HYCC1: variants seen among roughly 807,000 people sequenced by gnomAD.
The protein encoded by HYCC1 is hyccin PI4KA lipid kinase complex subunit 1, also known as hyccin.
At chr7:22,933,122 C>A in the HYCC1 span, among the ~76,000 whole-genome samples, 21 of 152,126 alleles carry the variant, frequency 1.4e-4, no homozygotes, top group Non-Finnish European at 7.4e-5. Flanking sequence ...GCCTTCAGAA[C>A]CATGAGAGAA....
chr7:23,007,449 A>G, the HYCC1 span, among the ~76,000 whole-genome samples: 2 of 152,142 alleles, frequency 1.3e-5, no homozygotes, highest in Non-Finnish European at 2.9e-5. Flanking sequence ...AAATGAAATT[A>G]ATTATGCAAA....
the HYCC1 span, among the ~76,000 whole-genome samples, chr7:23,008,704 G>T: frequency 1.3e-5 from 2 of 151,968 alleles, no homozygotes; most frequent in East Asian, 3.9e-4. Context: ...GAAAAACCTA[G>T]AAAAAGTCAT....
At chr7:22,959,814 T>A in the HYCC1 span, among the ~76,000 whole-genome samples, 2 of 152,166 alleles carry the variant, frequency 1.3e-5, no homozygotes, top group Non-Finnish European at 2.9e-5. Flanking sequence ...GCGTCAACAC[T>A]ATGGCATTCT....
chr7:22,976,184 T>C, the HYCC1 span: 9 of 1,353,222 alleles, frequency 6.7e-6, no homozygotes, highest in Non-Finnish European at 9.5e-6. Context: ...TATTTCAATA[T>C]TAGAAGCACT....
At chr7:22,918,326 T>A in the HYCC1 span, among the ~76,000 whole-genome samples, 1 of 152,168 alleles carries the variant, frequency 6.6e-6, no homozygotes, top group African/African-American at 2.4e-5. Flanking sequence ...TCATGCTGTA[T>A]GACAAATGCT....
At chr7:23,012,152 C>A in the HYCC1 span, among the ~76,000 whole-genome samples, 1 of 151,990 alleles carries the variant, frequency 6.6e-6, no homozygotes, top group Non-Finnish European at 1.5e-5. Flanking sequence ...AAAATATAAA[C>A]GATACCCCAA....
At chr7:22,910,919 CA>C in the HYCC1 span, among the ~76,000 whole-genome samples, 1 of 151,478 alleles carries the variant, frequency 6.6e-6, no homozygotes, top group Non-Finnish European at 1.5e-5. Flanking sequence ...ATGTCACTCT[CA>C]TTATTCATAA....
At chr7:22,989,790 T>A in the HYCC1 span, among the ~76,000 whole-genome samples, 28 of 152,188 alleles carry the variant, frequency 1.8e-4, no homozygotes. Flanking sequence ...GCCCAGCTAT[T>A]CATCAGGATT....
At chr7:22,946,599 T>C in the HYCC1 span, among the ~76,000 whole-genome samples, 1 of 152,058 alleles carries the variant, frequency 6.6e-6, no homozygotes, top group African/African-American at 2.4e-5. Flanking sequence ...TTGTACTCTA[T>C]ATTGTAGATT....
the HYCC1 span, among the ~76,000 whole-genome samples, chr7:22,930,560 A>T: frequency 1.3e-5 from 2 of 152,102 alleles, no homozygotes; most frequent in Non-Finnish European, 1.5e-5. Flanking sequence ...AGAATAATTC[A>T]TAACAATACC....
chr7:22,977,335 A>T, the HYCC1 span: 1 of 1,524,694 alleles, frequency 6.6e-7, no homozygotes, highest in Non-Finnish European at 9.1e-7. Flanking sequence ...ATAAAATGTC[A>T]CTTACTTCAT....
At chr7:22,949,788 AT>A in the HYCC1 span, among the ~76,000 whole-genome samples, 1 of 152,056 alleles carries the variant, frequency 6.6e-6, no homozygotes, top group Non-Finnish European at 1.5e-5. Flanking sequence ...ATGATATTAC[AT>A]TTAAAAAAAT....
chr7:22,957,788 C>G, the HYCC1 span, among the ~76,000 whole-genome samples: 1 of 152,010 alleles, frequency 6.6e-6, no homozygotes, highest in East Asian at 1.9e-4. Context: ...AATGTATTTT[C>G]ATACAGCCAT....
At chr7:22,945,391 A>T in the HYCC1 span, 2 of 592,576 alleles carry the variant, frequency 3.4e-6, no homozygotes, top group East Asian at 5.6e-5. Context: ...AAAAAATCTT[A>T]ATCAAGAAAT....
the HYCC1 span, among the ~76,000 whole-genome samples, chr7:22,927,953 C>T: frequency 1.4e-4 from 21 of 152,152 alleles, no homozygotes; most frequent in South Asian, 6.2e-4. Flanking sequence ...ACTGGCAAAC[C>T]GAATCCAGCA....
the HYCC1 span, among the ~76,000 whole-genome samples, chr7:23,004,990 A>C: frequency 6.6e-6 from 1 of 152,102 alleles, no homozygotes; most frequent in Non-Finnish European, 1.5e-5. Flanking sequence ...TATTTTTAGT[A>C]GAGACAGGGT....
At chr7:22,933,562 GTGT>G in the HYCC1 span, among the ~76,000 whole-genome samples, 2 of 151,776 alleles carry the variant, frequency 1.3e-5, no homozygotes, top group African/African-American at 4.8e-5. Flanking sequence ...TTTGTGTCTT[GTGT>G]CTTTGAATCC....
the HYCC1 span, among the ~76,000 whole-genome samples, chr7:22,951,783 C>G: frequency 1.3e-5 from 2 of 151,934 alleles, no homozygotes; most frequent in East Asian, 3.9e-4. Flanking sequence ...ATTAAAATAA[C>G]TGTATTTACT....
chr7:22,978,145 T>C, the HYCC1 span: 6 of 834,094 alleles, frequency 7.2e-6, no homozygotes, highest in Non-Finnish European at 1.2e-5. Flanking sequence ...TTTGGAAGAA[T>C]GGGCTATGAG....
Sources: allele counts gnomAD v4.1 joint callset (sites outside exome capture counted in the v4.1 genomes callset), GRCh38; gene constraint gnomAD v4.1.1; transcripts MANE v1.5; gene names NCBI Gene and HGNC (gene_info 2026-07-23, HGNC 2026-07-21).